The following TMEM232 variants were observed in gnomAD, a reference collection of about 807,000 sequenced individuals.
The protein encoded by TMEM232 is transmembrane protein 232.
TMEM232 carries 80 observed loss-of-function variants against 78.8 expected under a neutral mutation model. The observed-to-expected ratio is 1.01, with a 90% CI of 0.85 to 1.22. TMEM232 has a LOEUF of 1.22. TMEM232 is among the 50% of genes most tolerant of loss of function. The probability of loss-of-function intolerance (pLI) is 0.00; values close to 1 mark genes in which losing one functional copy is unlikely to be tolerated. For missense variants in TMEM232, 881 were observed against 742.2 expected (o/e 1.19, Z -2.17); for synonymous variants, 297 against 254.3 (o/e 1.17, Z -1.60).
At chr5:110,459,583 G>A (rs567706794) in intron 12 of TMEM232, among the ~76,000 whole-genome samples, 1 of 152,184 alleles carries the variant, frequency 6.6e-6, no homozygotes, top group East Asian at 1.9e-4. Flanking sequence ...AAATAATTTT[G>A]TAACCATAAT....
intron 12 of TMEM232, among the ~76,000 whole-genome samples, chr5:110,436,271 T>A (rs1758423184): frequency 6.6e-6 from 1 of 152,102 alleles, no homozygotes; most frequent in Non-Finnish European, 1.5e-5. Flanking sequence ...GAGAAATGTC[T>A]ATTGAAATAT....
intron 12 of TMEM232, among the ~76,000 whole-genome samples, chr5:110,507,644 G>A (rs1328714169): frequency 6.6e-6 from 1 of 152,152 alleles, no homozygotes; most frequent in East Asian, 1.9e-4. Flanking sequence ...GACTCTCCCA[G>A]CCAGAAATAG....
At chr5:110,404,260 C>A (rs1196417822) in intron 2 of TMEM232, among the ~76,000 whole-genome samples, 1 of 151,990 alleles carries the variant, frequency 6.6e-6, no homozygotes, top group Admixed American at 6.6e-5. Context: ...TTCTTGCCTC[C>A]AACATAGTCT....
At chr5:110,619,145 A>G (rs758858077) in intron 7 of TMEM232, among the ~76,000 whole-genome samples, 2 of 152,198 alleles carry the variant, frequency 1.3e-5, no homozygotes, top group Non-Finnish European at 2.9e-5. Flanking sequence ...GAAAATGATG[A>G]CATAGCACTC....
intron 11 of TMEM232, among the ~76,000 whole-genome samples, chr5:110,564,895 T>C (rs1425083731): frequency 2.0e-5 from 3 of 151,936 alleles, no homozygotes; most frequent in Non-Finnish European, 4.4e-5. Flanking sequence ...GTGAAATCCC[T>C]AAACCAGGTC....
At chr5:110,701,305 G>A (rs1020820057) in intron 1 of TMEM232, among the ~76,000 whole-genome samples, 52 of 152,014 alleles carry the variant, frequency 3.4e-4, no homozygotes, top group African/African-American at 1.2e-3. Flanking sequence ...GCCAATACAA[G>A]TACAGGTGGA....
rs191560614 is a variant in TMEM232 at position 110,518,291 on chromosome 5, T to A, written c.1703+10297A>T. ...ATTTTTTTTCTATTTTTCCAGTTTA[T>A]TTTTTGCTATTCCTTTCTTCAACTG... On this transcript the variant is annotated intron_variant, in intron 12 of 13. Transcript: ENST00000455884. Among the ~76,000 whole-genome samples, 540 of 152,242 alleles carry A rather than the reference T, an allele frequency of 3.5e-3. 2 individuals are homozygous for A. The highest frequency in any genetic ancestry group is 6.3e-3 in the Admixed American group (96 of 15,280).
At chr5:110,635,901 T>A (rs1785750857) in intron 5 of TMEM232, among the ~76,000 whole-genome samples, 1 of 151,968 alleles carries the variant, frequency 6.6e-6, no homozygotes, top group East Asian at 1.9e-4. Context: ...GCAATTCCAC[T>A]AGTGGGAATT....
chr5:110,610,532 T>C (rs997127974), intron 8 of TMEM232: 1 of 456,206 alleles, frequency 2.2e-6, no homozygotes, highest in Non-Finnish European at 4.4e-6. Flanking sequence ...GCAGCCATAG[T>C]ATTTGTGCAG....
intron 2 of TMEM232, among the ~76,000 whole-genome samples, chr5:110,646,400 A>G (rs1272859982): frequency 6.6e-6 from 1 of 151,782 alleles, no homozygotes; most frequent in Admixed American, 6.6e-5. Context: ...GAGGAGAATC[A>G]AAAATCCAGA....
chr5:110,531,437 C>T (rs1390336267), intron 11 of TMEM232, among the ~76,000 whole-genome samples: 3 of 152,154 alleles, frequency 2.0e-5, no homozygotes, highest in Admixed American at 6.5e-5. Flanking sequence ...GTCCTCATAC[C>T]GACCAGCCCA....
rs146530669 is a variant in TMEM232, at chr5:110,574,518, A to G, written c.1277-5893T>C. 6.4e-3 allele frequency among the ~76,000 whole-genome samples: 969 copies of G among 152,196 alleles called. 19 individuals are homozygous for G. The highest frequency in any genetic ancestry group is 0.022 in the African/African-American group (896 of 41,560). ...TTGGGTATGTTAAATAGTTTATGCTATAAGATTTGATTCATGGTGGGGTGG... is the reference window on the plus strand; with the variant it reads ...TTGGGTATGTTAAATAGTTTATGCTGTAAGATTTGATTCATGGTGGGGTGG... On this transcript the variant is annotated intron_variant, in intron 10 of 13. Coordinates refer to ENST00000455884, the MANE Select transcript of TMEM232 (RefSeq NM_001039763.4).
intron 1 of TMEM232, among the ~76,000 whole-genome samples, chr5:110,683,421 T>C (rs532022652): frequency 1.3e-5 from 2 of 151,796 alleles, no homozygotes; most frequent in Non-Finnish European, 2.9e-5. Flanking sequence ...TTGTAATATA[T>C]ATATAGAGAG....
At chr5:110,517,993 G>T (rs946595835) in intron 12 of TMEM232, among the ~76,000 whole-genome samples, 3 of 151,754 alleles carry the variant, frequency 2.0e-5, no homozygotes, top group African/African-American at 7.3e-5. Flanking sequence ...CCTTTTATTT[G>T]TACCTTTCAT....
At chr5:110,700,394 A>G (rs1178419089) in intron 1 of TMEM232, among the ~76,000 whole-genome samples, 1 of 152,052 alleles carries the variant, frequency 6.6e-6, no homozygotes, top group Admixed American at 6.6e-5. Flanking sequence ...GATTGCGTAC[A>G]CACTTCGGAA....
intron 1 of TMEM232, among the ~76,000 whole-genome samples, chr5:110,682,837 C>A (rs1792921445): frequency 6.6e-6 from 1 of 152,090 alleles, no homozygotes; most frequent in Admixed American, 6.6e-5. Context: ...CCAACCACCC[C>A]TTCTGGAATT....
chr5:110,628,411 C>T (rs1784684303), intron 5 of TMEM232, among the ~76,000 whole-genome samples: 1 of 151,978 alleles, frequency 6.6e-6, no homozygotes, highest in Non-Finnish European at 1.5e-5. Context: ...CTGTGCTAAG[C>T]TCCCTATTCC....
chr5:110,443,418 C>T (rs1490721937), intron 12 of TMEM232, among the ~76,000 whole-genome samples: 2 of 152,114 alleles, frequency 1.3e-5, no homozygotes, highest in Non-Finnish European at 2.9e-5. Context: ...GATGTAAAGA[C>T]CAAGGGCTTT....
intron 12 of TMEM232, among the ~76,000 whole-genome samples, chr5:110,460,918 C>T (rs1177044477): frequency 1.3e-5 from 2 of 152,026 alleles, no homozygotes; most frequent in Non-Finnish European, 2.9e-5. Flanking sequence ...AACTCAGATA[C>T]ACATTGTACG....
Sources: allele counts gnomAD v4.1 joint callset (sites outside exome capture counted in the v4.1 genomes callset), GRCh38; gene constraint gnomAD v4.1.1; transcripts MANE v1.5; gene names NCBI Gene and HGNC (gene_info 2026-07-23, HGNC 2026-07-21).